The following CSMD2 variants were observed in gnomAD, a reference collection of about 807,000 sequenced individuals.
CSMD2 encodes the protein CUB and sushi domain-containing protein 2.
Under a neutral mutation model 398.5 loss-of-function variants are expected in CSMD2, and 130 were observed. That is an observed-to-expected ratio of 0.33 (90% CI 0.28 to 0.38). CSMD2 has a LOEUF of 0.38. CSMD2 is among the 10% of genes least tolerant of loss of function. CSMD2 has a pLI of 1.00. For missense variants in CSMD2, 3,829 were observed against 4,764.9 expected (o/e 0.80, Z 5.78); for synonymous variants, 1,828 against 1,908.5 (o/e 0.96, Z 1.10).
At chr1:33,532,467 T>C (rs910670339) in intron 64 of CSMD2, among the ~76,000 whole-genome samples, 16 of 152,228 alleles carry the variant, frequency 1.1e-4, no homozygotes, top group Non-Finnish European at 2.1e-4. Context: ...TGACTTCTCC[T>C]TTCCCCCACT....
intron 2 of CSMD2, among the ~76,000 whole-genome samples, chr1:34,067,330 G>A (rs770274606): frequency 6.6e-6 from 1 of 152,216 alleles, no homozygotes; most frequent in South Asian, 2.1e-4. Flanking sequence ...ATGTACAAAA[G>A]ATGTAAATCT....
Position 33,851,922 on chromosome 1 carries a change from C to CT in CSMD2, c.921-4927dup, listed in dbSNP as rs550120572. Among the ~76,000 whole-genome samples, 1,441 of 147,622 alleles carry CT rather than the reference C, an allele frequency of 9.8e-3. 11 individuals are homozygous for CT. Among genetic ancestry groups the CT allele is most frequent in the Admixed American group, 0.027 (399 of 14,798 alleles). ...AAAGAGGCCCCTCAGCCTCCCAAGG[C>CT]TTTTTTTTTTACCAGCAGTGCCTGC... On this transcript the variant is annotated intron_variant, in intron 5 of 70. Coordinates refer to ENST00000373381, the MANE Select transcript of CSMD2 (RefSeq NM_001281956.2).
chr1:33,651,707 G>A (rs1352739346), intron 28 of CSMD2, among the ~76,000 whole-genome samples: 1 of 152,200 alleles, frequency 6.6e-6, no homozygotes, highest in African/African-American at 2.4e-5. Context: ...TGATCAAGAG[G>A]TGGAGTGGAT....
intron 5 of CSMD2, among the ~76,000 whole-genome samples, chr1:33,914,124 G>A (rs943920595): frequency 7.2e-5 from 11 of 152,144 alleles, no homozygotes; most frequent in Non-Finnish European, 1.3e-4. Flanking sequence ...TTCTTAGAAC[G>A]TGATGGAAAG....
intron 4 of CSMD2, among the ~76,000 whole-genome samples, chr1:33,933,735 T>G (rs1052684453): frequency 2.6e-5 from 4 of 152,158 alleles, no homozygotes; most frequent in African/African-American, 9.7e-5. Flanking sequence ...TGGTAATTCC[T>G]GAAGTCCATC....
At chr1:33,725,582 T>C (rs1420149865) in intron 16 of CSMD2, 46 bp from the exon 17 acceptor site, 1 of 1,590,364 alleles carries the variant, frequency 6.3e-7, no homozygotes, top group East Asian at 2.2e-5. Flanking sequence ...TCCAAGCTTA[T>C]TAATTTGCAA....
chr1:33,993,893 G>C (rs1036506567), intron 3 of CSMD2, among the ~76,000 whole-genome samples: 1 of 152,012 alleles, frequency 6.6e-6, no homozygotes, highest in African/African-American at 2.4e-5. Flanking sequence ...ATTCTTCTTT[G>C]TACGGCTCAA....
At chr1:33,726,789 T>C (rs1281216640) in intron 15 of CSMD2, 104 bp from the exon 16 acceptor site, 4 of 1,280,544 alleles carry the variant, frequency 3.1e-6, no homozygotes, top group Non-Finnish European at 4.2e-6. Context: ...ATAGTTTTTG[T>C]TTTTATGGAA....
At chr1:34,081,425 G>T (rs1432119120) in intron 2 of CSMD2, among the ~76,000 whole-genome samples, 1 of 80,540 alleles carries the variant, frequency 1.2e-5, no homozygotes, top group East Asian at 3.7e-4. Flanking sequence ...TCCCCCTCCC[G>T]CTCCCTCTTC....
chr1:33,801,874 A>G (rs1655650242), intron 10 of CSMD2, among the ~76,000 whole-genome samples: 1 of 152,144 alleles, frequency 6.6e-6, no homozygotes, highest in South Asian at 2.1e-4. Context: ...GGGCTGCCCA[A>G]AGGGAGAGAT....
intron 5 of CSMD2, among the ~76,000 whole-genome samples, chr1:33,894,381 C>T (rs1642243226): frequency 6.6e-6 from 1 of 152,174 alleles, no homozygotes; most frequent in African/African-American, 2.4e-5. Flanking sequence ...TTTTTTCCCC[C>T]AATGCTAGGC....
At chr1:33,897,548 T>A (rs1570434396) in intron 5 of CSMD2, among the ~76,000 whole-genome samples, 1 of 152,256 alleles carries the variant, frequency 6.6e-6, no homozygotes, top group Admixed American at 6.5e-5. Flanking sequence ...ATACTGTGTA[T>A]GTCCACATCA....
At chr1:33,690,549 A>G (rs1017682840) in intron 25 of CSMD2, among the ~76,000 whole-genome samples, 4 of 152,208 alleles carry the variant, frequency 2.6e-5, no homozygotes, top group African/African-American at 9.6e-5. Context: ...AAACAAACAG[A>G]TATTTGTGAA....
intron 1 of CSMD2, among the ~76,000 whole-genome samples, chr1:34,093,180 G>C (rs1658851886): frequency 6.6e-6 from 1 of 152,096 alleles, no homozygotes; most frequent in Admixed American, 6.6e-5. Flanking sequence ...TACTCCAACA[G>C]ACCTGCAGCT....
At chr1:33,725,608 G>T (rs1646503512) in intron 16 of CSMD2, 72 bp from the exon 17 acceptor site, 2 of 1,449,386 alleles carry the variant, frequency 1.4e-6, no homozygotes, top group Admixed American at 3.5e-5. Context: ...ATAAAGCCCT[G>T]CCTGACCCAG....
At position 33,706,225 on chromosome 1, in the gene CSMD2, A is replaced by G. The variant is rs368983062; in HGVS notation, c.3576+2864T>C. On this transcript the variant is annotated intron_variant, in intron 22 of 70. Coordinates refer to ENST00000373381, the MANE Select transcript of CSMD2 (RefSeq NM_001281956.2). Reference sequence around the variant, plus strand: ...ATTCGTGCTATGTTATTTGGCACATAAAGTTTTACTGTGGATTGATTATCC... The same window carrying G: ...ATTCGTGCTATGTTATTTGGCACATGAAGTTTTACTGTGGATTGATTATCC... Among the ~76,000 whole-genome samples, 37 of 152,310 alleles carry G rather than the reference A, an allele frequency of 2.4e-4. No individual in the cohort carries two copies. The East Asian group carries it at 4.0e-3, about 17-fold the overall frequency.
chr1:33,656,658 AG>A (rs746553663), intron 27 of CSMD2, among the ~76,000 whole-genome samples: 2 of 152,296 alleles, frequency 1.3e-5, no homozygotes, highest in Non-Finnish European at 2.9e-5. Context: ...CCAGCAGGGG[AG>A]GCAGTGTGGG....
chr1:33,790,077 G>A (rs1297374910), intron 11 of CSMD2, among the ~76,000 whole-genome samples: 2 of 152,150 alleles, frequency 1.3e-5, no homozygotes, highest in Non-Finnish European at 2.9e-5. Flanking sequence ...GATTGTGGGA[G>A]GAAAGAGAGC....
At chr1:33,969,180 C>A (rs776786222) in intron 3 of CSMD2, among the ~76,000 whole-genome samples, 2 of 152,206 alleles carry the variant, frequency 1.3e-5, no homozygotes, top group Non-Finnish European at 2.9e-5. Context: ...AAGGCAGCTG[C>A]TCTGAATTGA....
Sources: gnomAD v4.1 joint callset for allele counts (sites outside exome capture counted in the v4.1 genomes callset) on GRCh38, gnomAD v4.1.1 for gene constraint, MANE v1.5 for transcripts, NCBI Gene and HGNC (gene_info 2026-07-23, HGNC 2026-07-21) for gene names.